Variants in ATRNL1 observed in about 807,000 individuals in gnomAD.
ATRNL1 encodes the protein attractin like 1, also known as attractin-like protein 1.
ATRNL1 carries 95 observed loss-of-function variants against 182.7 expected under a neutral mutation model. That is an observed-to-expected ratio of 0.52 (90% confidence interval 0.44 to 0.62). The LOEUF (loss-of-function observed/expected upper bound fraction) is 0.62. ATRNL1 is among the 20% of genes least tolerant of loss of function. ATRNL1 has a pLI of 0.00. For missense variants in ATRNL1, 1,471 were observed against 1,679.5 expected (o/e 0.88, Z 2.17); for synonymous variants, 576 against 568.3 (o/e 1.01, Z -0.19).
intron 26 of ATRNL1, among the ~76,000 whole-genome samples, chr10:115,622,919 T>A (rs1555023504): frequency 2.6e-5 from 4 of 151,614 alleles, no homozygotes; most frequent in African/African-American, 9.7e-5. Flanking sequence ...AGAGCGAGAC[T>A]GTGTCTCGAA....
At chr10:115,121,086 C>CT (rs1844708437) in intron 2 of ATRNL1, among the ~76,000 whole-genome samples, 1 of 151,928 alleles carries the variant, frequency 6.6e-6, no homozygotes, top group Non-Finnish European at 1.5e-5. Flanking sequence ...TGTATACAGT[C>CT]TATGTAACCT....
At chr10:115,940,220 G>A (rs1375146268) in intron 28 of ATRNL1, among the ~76,000 whole-genome samples, 2 of 152,142 alleles carry the variant, frequency 1.3e-5, no homozygotes, top group Admixed American at 6.5e-5. Context: ...TAGAAGTGGG[G>A]CATCCTATGT....
intron 8 of ATRNL1, among the ~76,000 whole-genome samples, chr10:115,203,375 T>C (rs1848668427): frequency 6.6e-6 from 1 of 152,102 alleles, no homozygotes; most frequent in Admixed American, 6.6e-5. Context: ...AAACAGACCC[T>C]ATGTCAGGTT....
chr10:115,096,494 C>A (rs1280619252), intron 1 of ATRNL1, among the ~76,000 whole-genome samples: 1 of 152,170 alleles, frequency 6.6e-6, no homozygotes, highest in Non-Finnish European at 1.5e-5. Context: ...ACTAGAAAAT[C>A]TCACTTCACT....
chr10:115,864,414 T>C (rs187325875), intron 28 of ATRNL1, among the ~76,000 whole-genome samples: 4 of 152,316 alleles, frequency 2.6e-5, no homozygotes, highest in African/African-American at 7.2e-5. Context: ...GTAAGAACCA[T>C]TGATGAAATC....
At chr10:115,475,012 A>C (rs80165743) in intron 24 of ATRNL1, among the ~76,000 whole-genome samples, 3,138 of 151,470 alleles carry the variant, frequency 0.021, 102 homozygotes, top group African/African-American at 0.07. Flanking sequence ...TAGAAAAACA[A>C]CACCACCAAA....
intron 26 of ATRNL1, among the ~76,000 whole-genome samples, chr10:115,631,122 T>A (rs1555026256): frequency 1.3e-5 from 2 of 152,018 alleles, no homozygotes. Flanking sequence ...TTTCATATAC[T>A]AGAATGACTA....
At chr10:115,688,899 C>G (rs1946303283) in intron 26 of ATRNL1, among the ~76,000 whole-genome samples, 1 of 152,008 alleles carries the variant, frequency 6.6e-6, no homozygotes, top group African/African-American at 2.4e-5. Context: ...AGATTTTTCT[C>G]TATGTTTCTT....
intron 10 of ATRNL1, among the ~76,000 whole-genome samples, chr10:115,263,587 A>T (rs782155628): frequency 6.6e-6 from 1 of 151,818 alleles, no homozygotes; most frequent in Non-Finnish European, 1.5e-5. Context: ...CTGGATTCTT[A>T]TAAAGACCAT....
chr10:115,202,503 T>C (rs1554892681), intron 8 of ATRNL1, among the ~76,000 whole-genome samples: 1 of 152,212 alleles, frequency 6.6e-6, no homozygotes, highest in Non-Finnish European at 1.5e-5. Context: ...GTGGTTTTTG[T>C]CTTTGGTTCT....
intron 26 of ATRNL1, among the ~76,000 whole-genome samples, chr10:115,687,277 C>T (rs537706833): frequency 6.6e-6 from 1 of 152,148 alleles, no homozygotes; most frequent in African/African-American, 2.4e-5. Flanking sequence ...CTTCCGTCTT[C>T]CCCCATTTCC....
At chr10:115,632,624 A>G (rs967434242) in intron 26 of ATRNL1, among the ~76,000 whole-genome samples, 30 of 152,122 alleles carry the variant, frequency 2.0e-4, no homozygotes, top group African/African-American at 7.0e-4. Flanking sequence ...GATATACTTG[A>G]TATTCTGTAA....
At chr10:115,549,582 T>G in intron 26 of ATRNL1, 46 bp downstream of exon 26, 1 of 1,340,208 alleles carries the variant, frequency 7.5e-7, no homozygotes, top group Non-Finnish European at 1.0e-6. Context: ...TTTAAGCAAA[T>G]ATATGGATCT....
At chr10:115,752,998 G>A (rs1948489125) in intron 27 of ATRNL1, among the ~76,000 whole-genome samples, 2 of 152,020 alleles carry the variant, frequency 1.3e-5, no homozygotes, top group African/African-American at 4.8e-5. Context: ...CTTCTACCAT[G>A]TAATAGTGGC....
intron 26 of ATRNL1, among the ~76,000 whole-genome samples, chr10:115,580,936 G>C (rs918257868): frequency 6.6e-6 from 1 of 152,032 alleles, no homozygotes; most frequent in African/African-American, 2.4e-5. Flanking sequence ...TTCTCAGCTT[G>C]TCATGCATTG....
At chr10:115,855,990 T>G (rs2134377934) in intron 28 of ATRNL1, among the ~76,000 whole-genome samples, 1 of 152,288 alleles carries the variant, frequency 6.6e-6, no homozygotes, top group African/African-American at 2.4e-5. Context: ...AGAGCCCAAC[T>G]CAATTCTACC....
chr10:115,216,234 A>G (rs1268294331), intron 9 of ATRNL1, among the ~76,000 whole-genome samples: 2 of 152,166 alleles, frequency 1.3e-5, no homozygotes, highest in African/African-American at 2.4e-5. Context: ...TGATCTTTTC[A>G]TGTACATATT....
At chr10:115,108,549 T>C (rs1352950250) in intron 1 of ATRNL1, among the ~76,000 whole-genome samples, 1 of 152,210 alleles carries the variant, frequency 6.6e-6, no homozygotes, top group Admixed American at 6.5e-5. Flanking sequence ...GAAGTTTACA[T>C]AGTGCATGGG....
intron 28 of ATRNL1, among the ~76,000 whole-genome samples, chr10:115,874,068 A>G (rs1951644887): frequency 6.6e-6 from 1 of 152,166 alleles, no homozygotes; most frequent in Admixed American, 6.5e-5. Flanking sequence ...TTCCATCTTC[A>G]TGTCTCCTCC....
Sources: allele counts gnomAD v4.1 joint callset (sites outside exome capture counted in the v4.1 genomes callset), GRCh38; gene constraint gnomAD v4.1.1; transcripts MANE v1.5; gene names NCBI Gene and HGNC (gene_info 2026-07-23, HGNC 2026-07-21).